ATXN1: variants seen among roughly 807,000 people sequenced by gnomAD.
ATXN1 encodes the protein ataxin-1.
In ATXN1, 8 loss-of-function variants were observed where a neutral mutation model predicts 56.4. The ratio of observed to expected loss-of-function variants is 0.14; its 90% CI spans 0.08 to 0.26. The LOEUF (loss-of-function observed/expected upper bound fraction) is 0.26, where lower values mean the gene tolerates loss of function less well. Ranked by LOEUF, ATXN1 falls within the 10% of genes least tolerant of loss-of-function variation. ATXN1 has a pLI of 1.00. For missense variants in ATXN1, 987 were observed against 1,106.5 expected (o/e 0.89, Z 1.53); for synonymous variants, 514 against 494.6 (o/e 1.04, Z -0.52).
In ATXN1 at chr6:16,395,728, T is replaced by C. The variant is rs1485374577; in HGVS notation, c.-160-67258A>G. ...TGGACTCTTTCTACCTATAAGAAAT[T>C]AACTGTAGGCCGGGCGCAGTGGCTC... On this transcript the variant is annotated intron_variant, in intron 6 of 7. Coordinates refer to ENST00000436367, the MANE Select transcript of ATXN1 (RefSeq NM_001128164.2). 6.6e-5 allele frequency among the ~76,000 whole-genome samples: 10 copies of C among 151,972 alleles called. No homozygotes were observed. In the East Asian group the frequency reaches 1.9e-3, roughly 29 times the overall value.
intron 2 of ATXN1, among the ~76,000 whole-genome samples, chr6:16,659,166 A>G (rs990399739): frequency 6.6e-6 from 1 of 152,192 alleles, no homozygotes; most frequent in African/African-American, 2.4e-5. Context: ...TCAATTTTCC[A>G]TCTAGCCGGA....
Position 16,334,310 on chromosome 6 carries a change from G to A in ATXN1, c.-160-5840C>T, listed in dbSNP as rs1019121778. Among the ~76,000 whole-genome samples, 10 of 152,162 alleles carry A rather than the reference G, an allele frequency of 6.6e-5. No individual in the cohort carries two copies. In the East Asian group the frequency reaches 1.9e-3, roughly 29 times the overall value. ...CAACAGCTCAATTAGCCTACTAGCAGGGTTGAAGAGATCTGGTTTAATAAT... is the reference window on the plus strand; with the variant it reads ...CAACAGCTCAATTAGCCTACTAGCAAGGTTGAAGAGATCTGGTTTAATAAT... On this transcript the variant is annotated intron_variant, in intron 6 of 7. Coordinates refer to ENST00000436367, the MANE Select transcript of ATXN1 (RefSeq NM_001128164.2).
At chr6:16,348,027 C>T (rs1012432812) in intron 6 of ATXN1, among the ~76,000 whole-genome samples, 3 of 152,192 alleles carry the variant, frequency 2.0e-5, no homozygotes, top group Admixed American at 6.5e-5. Flanking sequence ...ATGAACAACT[C>T]CAGACATGCC....
chr6:16,523,430 A>C (rs1761332582), intron 4 of ATXN1, among the ~76,000 whole-genome samples: 1 of 152,216 alleles, frequency 6.6e-6, no homozygotes, highest in Non-Finnish European at 1.5e-5. Context: ...AGCTCACTGC[A>C]GCCTCCAACT....
chr6:16,421,910 C>T (rs764005884), intron 6 of ATXN1, among the ~76,000 whole-genome samples: 5 of 152,198 alleles, frequency 3.3e-5, no homozygotes, highest in Admixed American at 6.5e-5. Context: ...AGTTTAGCCA[C>T]GACTGGCAGC....
chr6:16,378,877 G>A (rs960291339), intron 6 of ATXN1, among the ~76,000 whole-genome samples: 1 of 152,108 alleles, frequency 6.6e-6, no homozygotes, highest in Non-Finnish European at 1.5e-5. Context: ...GACTTATTAA[G>A]TTATTATGAT....
At chr6:16,426,604 T>C (rs1759160100) in intron 6 of ATXN1, among the ~76,000 whole-genome samples, 1 of 124,660 alleles carries the variant, frequency 8.0e-6, no homozygotes, top group Non-Finnish European at 1.8e-5. Flanking sequence ...TGTGTGTGTC[T>C]GTATGTGTGT....
intron 4 of ATXN1, among the ~76,000 whole-genome samples, chr6:16,575,214 C>T (rs2299081): frequency 0.021 from 3,108 of 151,108 alleles, 66 homozygotes; most frequent in East Asian, 0.096. Context: ...TAAAATTCTA[C>T]GAATTTCCTG....
intron 3 of ATXN1, among the ~76,000 whole-genome samples, chr6:16,642,411 C>T (rs1363152391): frequency 6.6e-6 from 1 of 152,092 alleles, no homozygotes; most frequent in Admixed American, 6.6e-5. Context: ...AACAAACAAA[C>T]AAACAAAAAA....
At position 16,433,462 on chromosome 6, in the gene ATXN1, T is replaced by G. The variant is rs1561894057; in HGVS notation, c.-161+52510A>C. ...AAGAACTGAGTGCTCCAAGGAGATT[T>G]TAGAGGTGGGCAAAAAACAGCAACC... On this transcript the variant is annotated intron_variant, in intron 6 of 7. Coordinates refer to ENST00000436367, the MANE Select transcript of ATXN1 (RefSeq NM_001128164.2). Among the ~76,000 whole-genome samples, 4 of 152,236 alleles carry G rather than the reference T, an allele frequency of 2.6e-5. No homozygotes were observed. In the South Asian group the frequency reaches 8.3e-4, roughly 32 times the overall value.
intron 7 of ATXN1, among the ~76,000 whole-genome samples, chr6:16,309,728 A>T (rs1760344403): frequency 6.6e-6 from 1 of 152,154 alleles, no homozygotes; most frequent in African/African-American, 2.4e-5. Context: ...ACAGGAAAAA[A>T]TATCGTTAAA....
rs1158530164 is a variant in ATXN1, at chr6:16,460,188, T to C, written c.-161+25784A>G. Among the ~76,000 whole-genome samples, 4 of 152,180 alleles carry C rather than the reference T, an allele frequency of 2.6e-5. No individual in the cohort carries two copies. The East Asian group carries it at 7.7e-4, about 29-fold the overall frequency. On this transcript the variant is annotated intron_variant, in intron 6 of 7. Transcript: ENST00000436367. Reference sequence around the variant, plus strand: ...ATGGGAACCAGAGGCAGAAACAGCCTTCAAAACCTTAAAGCAGGCCCTAGT... The same window carrying C: ...ATGGGAACCAGAGGCAGAAACAGCCCTCAAAACCTTAAAGCAGGCCCTAGT...
intron 6 of ATXN1, among the ~76,000 whole-genome samples, chr6:16,375,996 G>T (rs1762133573): frequency 6.6e-6 from 1 of 152,230 alleles, no homozygotes; most frequent in African/African-American, 2.4e-5. Flanking sequence ...CCTGGGCACT[G>T]GTGCCCCATG....
In ATXN1 at chr6:16,760,401, G is replaced by C. The variant is rs1335120079; in HGVS notation, c.-730+897C>G. Among the ~76,000 whole-genome samples the C allele has an allele frequency of 2.0e-5, 3 of 151,342 alleles. No individual in the cohort carries two copies. Among genetic ancestry groups the C allele is most frequent in the Non-Finnish European group, 3.0e-5 (2 of 67,742 alleles). ...CCGGCCCGGACTGGGGCGCTCGCGG[G>C]CTCCCGGCTCCGGGCGGCGGCTGCC... On this transcript the variant is annotated intron_variant, in intron 1 of 7. Transcript: ENST00000436367. This position sits in a 1 kb window ranked among gnomAD's most constrained non-coding sequence, Gnocchi z 5.3.
intron 4 of ATXN1, among the ~76,000 whole-genome samples, chr6:16,541,554 C>G (rs1401471772): frequency 6.6e-6 from 1 of 152,204 alleles, no homozygotes; most frequent in East Asian, 1.9e-4. Context: ...AAGGGCTTTG[C>G]ACGCTGCTCC....
chr6:16,628,245 T>C (rs1250517426), intron 3 of ATXN1, among the ~76,000 whole-genome samples: 1 of 152,194 alleles, frequency 6.6e-6, no homozygotes, highest in Non-Finnish European at 1.5e-5. Context: ...ATTTTTGGTT[T>C]TGATTTTTGG....
intron 4 of ATXN1, among the ~76,000 whole-genome samples, chr6:16,546,679 TGA>T (rs1301022551): frequency 1.3e-5 from 2 of 152,212 alleles, no homozygotes; most frequent in African/African-American, 4.8e-5. Context: ...TAAAAAGGGT[TGA>T]CTTTCAACTT....
In ATXN1 at chr6:16,346,420, A is replaced by G. The variant is rs532260650; in HGVS notation, c.-160-17950T>C. On this transcript the variant is annotated intron_variant, in intron 6 of 7. Transcript: ENST00000436367. ...GCTGGGAAGATGGGAATCCTCCTCT[A>G]TGCAGTAATCCTTGGACATGCAGTG... Among the ~76,000 whole-genome samples, 37 of 152,268 alleles carry G rather than the reference A, an allele frequency of 2.4e-4. No homozygotes were observed. The South Asian group carries it at 4.4e-3, about 18-fold the overall frequency.
chr6:16,323,704 C>G lies in ATXN1; in HGVS notation c.1917+2690G>C, dbSNP rs529979090. Among the ~76,000 whole-genome samples, 3 of 152,214 alleles carry G rather than the reference C, an allele frequency of 2.0e-5. No individual in the cohort carries two copies. In the East Asian group the frequency reaches 5.8e-4, roughly 29 times the overall value. On this transcript the variant is annotated intron_variant, in intron 7 of 7. Coordinates refer to ENST00000436367, the MANE Select transcript of ATXN1 (RefSeq NM_001128164.2). ...ACAAAACCTCTTTTCACACCTGCCT[C>G]TGTTCACAAAAATGTGTTAAGGATT...
Sources: gnomAD v4.1 joint callset for allele counts (sites outside exome capture counted in the v4.1 genomes callset) on GRCh38, gnomAD v4.1.1 for gene constraint, Gnocchi (gnomAD v3.1) non-coding constraint, MANE v1.5 for transcripts, NCBI Gene and HGNC (gene_info 2026-07-23, HGNC 2026-07-21) for gene names.